The following MARCHF1 variants were observed in gnomAD, a reference collection of about 807,000 sequenced individuals.
MARCHF1 encodes the protein membrane associated ring-CH-type finger 1.
MARCHF1 carries 40 observed loss-of-function variants against 54.2 expected under a neutral mutation model. The ratio of observed to expected loss-of-function variants is 0.74; its 90% confidence interval spans 0.57 to 0.96. MARCHF1 has a LOEUF of 0.96. Among genes scored for constraint, MARCHF1 ranks in the 40% least tolerant of loss-of-function variants. MARCHF1 has a pLI of 0.00. For synonymous variants in MARCHF1, 236 were observed against 236.3 expected, an observed-to-expected ratio of 1.00 and a Z score of 0.01; for missense variants, 586 against 656.5, an observed-to-expected ratio of 0.89 and a Z score of 1.17.
chr4:164,057,664 C>T (rs1305856696), intron 2 of MARCHF1, among the ~76,000 whole-genome samples: 1 of 152,072 alleles, frequency 6.6e-6, no homozygotes, highest in Non-Finnish European at 1.5e-5. Context: ...AAATAGAAAG[C>T]ATGGGCTAAG....
chr4:163,809,650 G>T (rs1046119222), intron 4 of MARCHF1, among the ~76,000 whole-genome samples: 1 of 152,124 alleles, frequency 6.6e-6, no homozygotes, highest in African/African-American at 2.4e-5. Flanking sequence ...GCAAAAGATA[G>T]AATTTCTTTT....
At chr4:163,537,893 A>G (rs1738593363) in intron 9 of MARCHF1, among the ~76,000 whole-genome samples, 1 of 152,172 alleles carries the variant, frequency 6.6e-6, no homozygotes, top group Non-Finnish European at 1.5e-5. Context: ...ACTCCTTTTT[A>G]CAGTCACATA....
intron 1 of MARCHF1, among the ~76,000 whole-genome samples, chr4:164,160,704 G>T (rs1396294150): frequency 6.6e-6 from 1 of 152,126 alleles, no homozygotes; most frequent in Admixed American, 6.6e-5. Context: ...GACAGTGAGT[G>T]CTTTCTCTTT....
intron 1 of MARCHF1, among the ~76,000 whole-genome samples, chr4:164,347,192 A>C (rs1371068181): frequency 6.6e-6 from 1 of 152,278 alleles, no homozygotes; most frequent in Admixed American, 6.5e-5. Context: ...AATTTGCACT[A>C]AGCTAAATGA....
At chr4:164,279,755 T>TA (rs35583719) in intron 1 of MARCHF1, among the ~76,000 whole-genome samples, 98,894 of 151,304 alleles carry the variant, frequency 0.65, 33,867 homozygotes, top group Non-Finnish European at 0.77. Flanking sequence ...GTGTAAAATG[T>TA]AAAAAAGTAA....
intron 1 of MARCHF1, among the ~76,000 whole-genome samples, chr4:164,331,210 C>T (rs1041492201): frequency 4.6e-5 from 7 of 150,700 alleles, no homozygotes; most frequent in African/African-American, 9.8e-5. Context: ...TATTAAAGGC[C>T]GAGACAGAGG....
chr4:163,904,049 A>C (rs1751002189), intron 3 of MARCHF1, among the ~76,000 whole-genome samples: 1 of 152,198 alleles, frequency 6.6e-6, no homozygotes, highest in South Asian at 2.1e-4. Flanking sequence ...ATTGTGTATT[A>C]GACACTCTTA....
At chr4:164,113,758 T>G (rs115909823) in intron 1 of MARCHF1, among the ~76,000 whole-genome samples, 2,373 of 152,116 alleles carry the variant, frequency 0.016, 53 homozygotes, top group African/African-American at 0.054. Context: ...GAGATTTATC[T>G]TTCAACACAA....
chr4:163,870,561 C>T (rs533278298), intron 3 of MARCHF1, among the ~76,000 whole-genome samples: 3 of 152,076 alleles, frequency 2.0e-5, no homozygotes, highest in African/African-American at 7.2e-5. Flanking sequence ...ATTTACCTGA[C>T]GTGATGGTAA....
intron 3 of MARCHF1, among the ~76,000 whole-genome samples, chr4:163,924,032 A>C (rs1204513265): frequency 6.6e-6 from 1 of 152,026 alleles, no homozygotes; most frequent in East Asian, 1.9e-4. Flanking sequence ...AGATCAATGT[A>C]TTTTGTGTTA....
intron 8 of MARCHF1, among the ~76,000 whole-genome samples, chr4:163,575,667 C>T (rs369391097): frequency 6.6e-6 from 1 of 151,910 alleles, no homozygotes; most frequent in South Asian, 2.1e-4. Flanking sequence ...AGCTGTAAAT[C>T]CATCTGGTTT....
At chr4:164,095,229 AC>A (rs1755384611) in intron 2 of MARCHF1, among the ~76,000 whole-genome samples, 1 of 152,140 alleles carries the variant, frequency 6.6e-6, no homozygotes, top group Non-Finnish European at 1.5e-5. Context: ...CTCATTAGCC[AC>A]CACTCAATAG....
intron 1 of MARCHF1, among the ~76,000 whole-genome samples, chr4:164,127,367 C>G (rs950098055): frequency 6.6e-6 from 1 of 152,114 alleles, no homozygotes; most frequent in African/African-American, 2.4e-5. Context: ...AAATGCTCAG[C>G]CTGTCCATGT....
Position 163,545,625 on chromosome 4 carries a change from G to C in MARCHF1, c.1310C>G (p.Ala437Gly). The part of the protein sequence containing the change: ...WSLYVLIDRT[A>G]EEIKQGNDNG... The stretch of plus-strand genomic sequence containing the variant: ...GTCATTGCCTTGCTTGATTTCCTCC[G>C]CTGTCCGGTCTATCAATACATACAA... Residue 437 changes from alanine to glycine, a missense_variant, in exon 9 of 10, where the codon GCG becomes GGG. Ala to Gly is a moderately conservative substitution (Grantham distance 60, BLOSUM62 0). Transcript: ENST00000514618. The C allele has an allele frequency of 6.2e-7, 1 of 1,613,594 alleles. No homozygotes were observed. The highest frequency in any genetic ancestry group is 8.5e-7 in the Non-Finnish European group (1 of 1,179,808).
intron 1 of MARCHF1, among the ~76,000 whole-genome samples, chr4:164,248,366 G>A (rs1343215246): frequency 6.6e-6 from 1 of 151,988 alleles, no homozygotes; most frequent in Non-Finnish European, 1.5e-5. Context: ...ATGTCCCATT[G>A]TTAAAGCCTT....
intron 3 of MARCHF1, among the ~76,000 whole-genome samples, chr4:163,858,929 C>T (rs935318993): frequency 1.3e-5 from 2 of 152,136 alleles, no homozygotes; most frequent in African/African-American, 4.8e-5. Context: ...TTGCTGTGTA[C>T]TGCAGATGTG....
intron 3 of MARCHF1, among the ~76,000 whole-genome samples, chr4:163,915,866 T>G (rs995088296): frequency 6.6e-6 from 1 of 152,160 alleles, no homozygotes; most frequent in Non-Finnish European, 1.5e-5. Context: ...CCTCACTGTT[T>G]CCTAGTATGT....
intron 9 of MARCHF1, among the ~76,000 whole-genome samples, chr4:163,532,632 T>C (rs1738390569): frequency 1.3e-5 from 2 of 151,842 alleles, no homozygotes; most frequent in African/African-American, 2.4e-5. Flanking sequence ...CAAAACATAT[T>C]CTGAAAAAGG....
At chr4:164,286,064 G>C (rs1734141169) in intron 1 of MARCHF1, among the ~76,000 whole-genome samples, 1 of 152,008 alleles carries the variant, frequency 6.6e-6, no homozygotes, top group South Asian at 2.1e-4. Context: ...GATCAATAAA[G>C]AAAACACTCC....
Sources: allele counts gnomAD v4.1 joint callset (sites outside exome capture counted in the v4.1 genomes callset), GRCh38; gene constraint gnomAD v4.1.1; transcripts MANE v1.5; gene names NCBI Gene and HGNC (gene_info 2026-07-23, HGNC 2026-07-21).